Variants in PAM observed in about 807,000 individuals in gnomAD.
PAM encodes the protein peptidylglycine alpha-amidating monooxygenase.
A neutral mutation model predicts 122.1 loss-of-function variants in PAM; 72 were observed. That is an observed-to-expected ratio of 0.59 (90% CI 0.49 to 0.72). The LOEUF (loss-of-function observed/expected upper bound fraction) is 0.72. PAM is among the 30% of genes least tolerant of loss of function. PAM has a pLI of 0.00. For synonymous variants in PAM, 389 were observed against 404.4 expected (o/e 0.96, Z 0.46); for missense variants, 1,106 against 1,183.7 (o/e 0.93, Z 0.96).
chr5:102,872,152 T>C (rs897941976), intron 3 of PAM, among the ~76,000 whole-genome samples: 4 of 152,152 alleles, frequency 2.6e-5, no homozygotes, highest in Non-Finnish European at 4.4e-5. Context: ...CAAATTCTTG[T>C]CTCATTCAGC....
intron 7 of PAM, among the ~76,000 whole-genome samples, chr5:102,927,781 AAT>A (rs1006285734): frequency 6.7e-6 from 1 of 149,230 alleles, no homozygotes; most frequent in South Asian, 2.1e-4. Context: ...TATATAAATT[AAT>A]ATATATATAA....
chr5:102,884,846 C>A (rs990981496), intron 3 of PAM, among the ~76,000 whole-genome samples: 4 of 151,964 alleles, frequency 2.6e-5, no homozygotes, highest in Non-Finnish European at 5.9e-5. Context: ...AAAGTCACCT[C>A]ATTCAACAAA....
At chr5:103,024,534 G>A (rs928932047) in intron 23 of PAM, among the ~76,000 whole-genome samples, 1 of 152,110 alleles carries the variant, frequency 6.6e-6, no homozygotes, top group Admixed American at 6.6e-5. Context: ...ATTAATGTGT[G>A]CAGCTGTCCA....
At chr5:102,987,059 CAAAGG>C (rs1169665489) in intron 15 of PAM, among the ~76,000 whole-genome samples, 14 of 152,032 alleles carry the variant, frequency 9.2e-5, no homozygotes, top group Non-Finnish European at 1.6e-4. Flanking sequence ...ACATTTTTCA[CAAAGG>C]AAAGGAAGTC....
chr5:102,948,269 C>G (rs2151956225), intron 8 of PAM, 109 bp from the exon 9 acceptor site: 1 of 578,624 alleles, frequency 1.7e-6, no homozygotes, highest in East Asian at 2.9e-5. Context: ...CTTCAATTTT[C>G]AAAAGCATCA....
intron 1 of PAM, among the ~76,000 whole-genome samples, chr5:102,823,094 G>A (rs927498589): frequency 3.3e-5 from 5 of 152,186 alleles, no homozygotes; most frequent in African/African-American, 1.2e-4. Flanking sequence ...GTGGGATGTG[G>A]AAAAGTGAAT....
At chr5:102,787,718 C>T (rs924319785) in intron 1 of PAM, among the ~76,000 whole-genome samples, 3 of 151,842 alleles carry the variant, frequency 2.0e-5, no homozygotes, top group Admixed American at 2.0e-4. Flanking sequence ...TTCAGAGTTA[C>T]GAATCCCTTG....
At chr5:103,016,855 A>G (rs1419950580) in intron 21 of PAM, among the ~76,000 whole-genome samples, 2 of 152,206 alleles carry the variant, frequency 1.3e-5, no homozygotes, top group African/African-American at 4.8e-5. Flanking sequence ...TATCAATAAT[A>G]TACAAATAGT....
At chr5:102,867,251 T>C in intron 2 of PAM, 22 bp from the exon 3 acceptor site, 1 of 1,556,482 alleles carries the variant, frequency 6.4e-7, no homozygotes, top group Non-Finnish European at 8.9e-7. Flanking sequence ...TCAAGAATAT[T>C]GAAATTGCCC....
chr5:102,913,046 CA>C (rs1350892912), intron 4 of PAM, among the ~76,000 whole-genome samples: 1 of 151,760 alleles, frequency 6.6e-6, no homozygotes. Flanking sequence ...TCAAACAGAC[CA>C]AAATAGCTGA....
chr5:102,886,329 A>G (rs900036746), intron 3 of PAM, among the ~76,000 whole-genome samples: 2 of 152,028 alleles, frequency 1.3e-5, no homozygotes, highest in African/African-American at 4.8e-5. Context: ...TCCCAAAGAT[A>G]TTATAATGTA....
intron 24 of PAM, 182 bp downstream of exon 24, chr5:103,025,516 C>A: frequency 1.6e-6 from 1 of 628,442 alleles, no homozygotes. Context: ...TATCACAGTA[C>A]AAAATAGTAT....
At chr5:102,805,922 A>ATTTTT (rs967352568) in intron 1 of PAM, among the ~76,000 whole-genome samples, 1 of 152,070 alleles carries the variant, frequency 6.6e-6, no homozygotes, top group African/African-American at 2.4e-5. Flanking sequence ...ATGTGGGGCC[A>ATTTTT]TTTTTCTCAC....
chr5:102,943,624 G>A (rs1162163863), intron 7 of PAM, among the ~76,000 whole-genome samples: 1 of 152,054 alleles, frequency 6.6e-6, no homozygotes, highest in Non-Finnish European at 1.5e-5. Context: ...TTGATACTCA[G>A]ATGTGTCACC....
chr5:102,875,940 C>T (rs1175111372), intron 3 of PAM, among the ~76,000 whole-genome samples: 4 of 152,304 alleles, frequency 2.6e-5, no homozygotes, highest in Admixed American at 2.6e-4. Context: ...TTCTGACTTA[C>T]AGAACAGAAA....
At chr5:102,965,162 GACACACACACACACACAC>G (rs66633444) in intron 14 of PAM, among the ~76,000 whole-genome samples, 16 of 138,814 alleles carry the variant, frequency 1.2e-4, no homozygotes, top group Middle Eastern at 7.1e-3. Context: ...TTCCAAAGCA[GACACACACACACACACAC>G]ACACACACAC....
At chr5:102,837,647 G>T (rs572152813) in intron 1 of PAM, 34 of 152,286 alleles carry the variant, frequency 2.2e-4, no homozygotes, top group African/African-American at 7.9e-4. Flanking sequence ...TTAATCACTA[G>T]TTTCCCCTCT....
At chr5:102,853,000 C>T (rs1287386752) in intron 1 of PAM, among the ~76,000 whole-genome samples, 1 of 152,136 alleles carries the variant, frequency 6.6e-6, no homozygotes, top group Non-Finnish European at 1.5e-5. Flanking sequence ...GTTAAGCACA[C>T]CATTTTATAT....
intron 4 of PAM, among the ~76,000 whole-genome samples, chr5:102,907,440 T>A (rs3994921): frequency 0.047 from 7,045 of 150,750 alleles, 340 homozygotes; most frequent in East Asian, 0.18. Flanking sequence ...ATACGTGTGC[T>A]TGTGTCTTTA....
Sources: allele counts gnomAD v4.1 joint callset (sites outside exome capture counted in the v4.1 genomes callset), GRCh38; gene constraint gnomAD v4.1.1; transcripts MANE v1.5; gene names NCBI Gene and HGNC (gene_info 2026-07-23, HGNC 2026-07-21).